Variants in INSR observed in about 807,000 individuals in gnomAD.
INSR encodes the protein IR.
INSR carries 67 observed loss-of-function variants against 142.6 expected under a neutral mutation model. That is an observed-to-expected ratio of 0.47 (90% CI 0.39 to 0.58). The LOEUF is 0.58. Ranked by LOEUF, INSR falls within the 20% of genes least tolerant of loss-of-function variation. The pLI is 0.00. For synonymous variants in INSR, 756 were observed against 743.1 expected, an observed-to-expected ratio of 1.02 and a Z score of -0.28; for missense variants, 1,248 against 1,833.2, an observed-to-expected ratio of 0.68 and a Z score of 5.83.
chr19:7,202,504 T>G (rs1974989549), intron 2 of INSR, among the ~76,000 whole-genome samples: 1 of 152,180 alleles, frequency 6.6e-6, no homozygotes, highest in South Asian at 2.1e-4. Flanking sequence ...TTTGTGTTTT[T>G]TGTTTTTTTG....
At chr19:7,123,046 G>A (rs755036064) in intron 17 of INSR, 57 bp from the exon 18 acceptor site, 16 of 1,283,138 alleles carry the variant, frequency 1.2e-5, no homozygotes, top group African/African-American at 4.4e-5. Context: ...ACTCACCAGG[G>A]TTCTCCTCCC....
rs3835070 is a variant in INSR, at chr19:7,184,640, G to GGAGAGA, written c.653-9_653-4dup. 1.3e-4 allele frequency: 181 copies of GGAGAGA among 1,376,284 alleles called. 1 individual carries two copies. The highest frequency in any genetic ancestry group is 7.1e-4 in the Middle Eastern group (3 of 4,204). 85.3% of individuals were successfully genotyped at this position (1,376,284 alleles called of 1,614,324 possible). ...TGACTTACAGATGGTCGGGCAAACT[G>GGAGAGA]GAGAGAGAGAGAGAGAGAGAGGGAA... On this transcript the variant is annotated splice_region_variant and splice_polypyrimidine_tract_variant and intron_variant, in intron 2 of 21. Transcript: ENST00000302850.
rs1973306904 is a variant in INSR, at chr19:7,150,410, A to C, written c.2267+87T>G. On this transcript the variant is annotated intron_variant, in intron 11 of 21. Transcript: ENST00000302850. This position sits in a 1 kb window ranked among gnomAD's most constrained non-coding sequence, Gnocchi z 4.2. ...GCCCGCCGCATGCAAAAAGCCACAG[A>C]AACCCCTGGGTTCTCCGAGGCATCT... 7.8e-7 allele frequency: 1 copy of C among 1,288,766 alleles called. No individual in the cohort carries two copies. Among genetic ancestry groups the C allele is most frequent in the Admixed American group, 1.8e-5 (1 of 56,498 alleles). The allele number at this position is 1,288,766 out of a possible 1,614,324, so 79.8% of individuals were successfully genotyped here.
At chr19:7,214,296 T>C (rs1269046347) in intron 2 of INSR, among the ~76,000 whole-genome samples, 2 of 152,184 alleles carry the variant, frequency 1.3e-5, no homozygotes, top group Non-Finnish European at 2.9e-5. Context: ...CTAGTTCTTA[T>C]TCCCCCCTGT....
rs934323914 is a variant in INSR, at chr19:7,267,995, C to T, written c.101-99G>A. The T allele has an allele frequency of 1.9e-5, 20 of 1,041,658 alleles. No homozygotes were observed. Among genetic ancestry groups the T allele is most frequent in the Non-Finnish European group, 2.6e-5 (18 of 685,896 alleles). 64.5% of individuals were successfully genotyped at this position (1,041,658 alleles called of 1,614,324 possible). A position where few individuals can be genotyped will look rare whatever the true frequency, so the allele number is the denominator to read the frequency against. On this transcript the variant is annotated intron_variant, in intron 1 of 21. Transcript: ENST00000302850. This position sits in a 1 kb window ranked among gnomAD's most constrained non-coding sequence, Gnocchi z 6.3. ...AGAGCCGGCTTCATGGACAGGAAAC[C>T]TGGGCCCTGTGTTTTCATCCCGGGC... is the stretch of plus-strand genomic sequence containing the variant.
At chr19:7,262,818 T>C (rs1011001695) in intron 2 of INSR, among the ~76,000 whole-genome samples, 1 of 151,560 alleles carries the variant, frequency 6.6e-6, no homozygotes, top group African/African-American at 2.4e-5. Flanking sequence ...AGACAGAAAA[T>C]AGGATGGTAG....
At chr19:7,258,905 TTTCCTTCTTTCC>T (rs1242353020) in intron 2 of INSR, among the ~76,000 whole-genome samples, 2 of 147,994 alleles carry the variant, frequency 1.4e-5, no homozygotes, top group Non-Finnish European at 3.0e-5. Context: ...TCCAGTTTCT[TTTCCTTCTTTCC>T]TTCCTTCCTT....
intron 2 of INSR, among the ~76,000 whole-genome samples, chr19:7,198,134 G>A (rs552794935): frequency 2.0e-5 from 3 of 151,882 alleles, no homozygotes; most frequent in Non-Finnish European, 2.9e-5. Context: ...CCTCGAGCCG[G>A]AGGCCTCAGC....
chr19:7,208,752 T>A (rs1022350905), intron 2 of INSR, among the ~76,000 whole-genome samples: 8 of 152,268 alleles, frequency 5.3e-5, no homozygotes, highest in Non-Finnish European at 1.0e-4. Context: ...ACGCCTGTAA[T>A]CCCAGCACTT....
intron 13 of INSR, among the ~76,000 whole-genome samples, chr19:7,138,998 G>T (rs1973003575): frequency 6.6e-6 from 1 of 152,070 alleles, no homozygotes; most frequent in South Asian, 2.1e-4. Flanking sequence ...CCTCATTCTG[G>T]GCTTAGCCAT....
intron 21 of INSR, among the ~76,000 whole-genome samples, chr19:7,118,043 G>A (rs116702728): frequency 0.054 from 8,190 of 151,762 alleles, 258 homozygotes; most frequent in Non-Finnish European, 0.059. Flanking sequence ...AAGTGCTGAG[G>A]TTCCAGGCAT....
intron 1 of INSR, among the ~76,000 whole-genome samples, chr19:7,271,671 C>T (rs189976330): frequency 1.3e-5 from 2 of 152,252 alleles, no homozygotes; most frequent in Admixed American, 6.5e-5. Flanking sequence ...TGATACTATA[C>T]GTCCACACAA....
chr19:7,172,182 G>A (rs899590234), intron 5 of INSR, 108 bp downstream of exon 5: 5 of 1,205,082 alleles, frequency 4.1e-6, no homozygotes, highest in Non-Finnish European at 3.6e-6. Flanking sequence ...AAAATGCTGG[G>A]ATTACAGGCA....
chr19:7,215,158 A>C lies in INSR; in HGVS notation c.653-30521T>G, dbSNP rs573257089. Reference sequence around the variant, plus strand: ...TTTGTAGACAAAGGTCATACAGCAAAGAAGTGGAAGAACTAGGATTCGAAC... The same window carrying C: ...TTTGTAGACAAAGGTCATACAGCAACGAAGTGGAAGAACTAGGATTCGAAC... On this transcript the variant is annotated intron_variant, in intron 2 of 21. Transcript: ENST00000302850. Among the ~76,000 whole-genome samples, 7 of 152,202 alleles carry C rather than the reference A, an allele frequency of 4.6e-5. No individual in the cohort carries two copies. In the South Asian group the frequency reaches 1.2e-3, roughly 27 times the overall value.
intron 1 of INSR, among the ~76,000 whole-genome samples, chr19:7,284,206 A>G (rs1425070742): frequency 6.6e-6 from 1 of 151,856 alleles, no homozygotes; most frequent in Non-Finnish European, 1.5e-5. Flanking sequence ...CTGAGATTAC[A>G]GGTGTGCGCC....
At chr19:7,280,799 A>C (rs957479279) in intron 1 of INSR, among the ~76,000 whole-genome samples, 2 of 152,018 alleles carry the variant, frequency 1.3e-5, no homozygotes, top group African/African-American at 4.8e-5. Context: ...AGGCTGAGGC[A>C]GGAGAATCGC....
chr19:7,126,745 C>G, intron 15 of INSR, 94 bp from the exon 16 acceptor site: 6 of 1,125,194 alleles, frequency 5.3e-6, no homozygotes, highest in Non-Finnish European at 6.6e-6. Context: ...AAATGGCAGC[C>G]CTTACCAGCA....
chr19:7,230,106 A>G (rs1975922708), intron 2 of INSR, among the ~76,000 whole-genome samples: 1 of 151,910 alleles, frequency 6.6e-6, no homozygotes, highest in Admixed American at 6.6e-5. Flanking sequence ...ACTTTTATCC[A>G]TATTGTTCTC....
rs144656129 is a variant in INSR at position 7,121,748 on chromosome 19, G to A, written c.3529+866C>T. 3.3e-3 allele frequency among the ~76,000 whole-genome samples: 506 copies of A among 152,278 alleles called. 3 individuals carry two copies. The highest frequency in any genetic ancestry group is 0.011 in the African/African-American group (470 of 41,566). ...CTTCCAAAGCACTGAGATTACAGGC[G>A]GGACCCCCGGTCCTACAAACATATC... On this transcript the variant is annotated intron_variant, in intron 19 of 21. Transcript: ENST00000302850.
Sources: gnomAD v4.1 joint callset for allele counts (sites outside exome capture counted in the v4.1 genomes callset) on GRCh38, gnomAD v4.1.1 for gene constraint, Gnocchi (gnomAD v3.1) non-coding constraint, MANE v1.5 for transcripts, NCBI Gene and HGNC (gene_info 2026-07-23, HGNC 2026-07-21) for gene names.